The following EDDM13 variants were observed in gnomAD, a reference collection of about 807,000 sequenced individuals.
EDDM13 encodes the protein epididymal protein 13.
Under a neutral mutation model 17.8 loss-of-function variants are expected in EDDM13, and 24 were observed. That is an observed-to-expected ratio of 1.35 (90% CI 0.98 to 1.90). EDDM13 has a LOEUF of 1.90. Among genes scored for constraint, EDDM13 ranks in the 40% most tolerant of loss-of-function variants. The probability of loss-of-function intolerance (pLI) is 0.00; values close to 1 mark genes in which losing one functional copy is unlikely to be tolerated. For missense variants in EDDM13, 97 were observed against 100.8 expected, an observed-to-expected ratio of 0.96 and a Z score of 0.16; for synonymous variants, 31 against 37.5, an observed-to-expected ratio of 0.83 and a Z score of 0.63.
In EDDM13 at chr19:56,276,496, C is replaced by T. The variant is rs190024556; in HGVS notation, c.103+387C>T. On this transcript the variant is annotated intron_variant, in intron 2 of 14. Coordinates refer to ENST00000649256, the MANE Select transcript of EDDM13 (RefSeq NM_001354658.2). ...ACACGCGAAAAAAATTATTAAGGAT[C>T]TAAAGAGCTCTTTTTTTTTTTTTCC... is the stretch of plus-strand genomic sequence containing the variant. Among the ~76,000 whole-genome samples the T allele has an allele frequency of 1.5e-3, 209 of 137,534 alleles. 4 individuals carry two copies. The South Asian group carries it at 0.035, about 23-fold the overall frequency. The allele number at this position is 137,534 out of a possible 152,430, so 90.2% of individuals were successfully genotyped here. A position where few individuals can be genotyped will look rare whatever the true frequency, so the allele number is the denominator to read the frequency against.
At chr19:56,273,169 C>T (rs73069662) in intron 1 of EDDM13, among the ~76,000 whole-genome samples, 66,011 of 152,052 alleles carry the variant, frequency 0.43, 15,635 homozygotes, top group Non-Finnish European at 0.53. Context: ...TGGGGAGACA[C>T]TGCGTCTGCA....
chr19:56,302,581 C>CCCTCTTCCTCCCTCCCTCCTCCTCCCTT (rs1555807488), intron 13 of EDDM13, among the ~76,000 whole-genome samples: 1 of 39,990 alleles, frequency 2.5e-5, no homozygotes, highest in African/African-American at 1.7e-4. Flanking sequence ...TTCTTCCTCC[C>CCCTCTTCCTCCCTCCCTCCTCCTCCCTT]CCTTTTCTTC....
At chr19:56,289,092 C>T (rs1331708292) in intron 8 of EDDM13, among the ~76,000 whole-genome samples, 6 of 152,158 alleles carry the variant, frequency 3.9e-5, no homozygotes, top group African/African-American at 1.2e-4. Flanking sequence ...CTAACAACCA[C>T]CTCTGCAAGG....
chr19:56,302,325 C>CCCTT (rs368323798), intron 13 of EDDM13, among the ~76,000 whole-genome samples: 3,086 of 143,314 alleles, frequency 0.022, 49 homozygotes, highest in Non-Finnish European at 0.031. Flanking sequence ...TCCCTCCCTC[C>CCCTT]CCTTCCTCCT....
At chr19:56,293,079 C>T (rs952026024) in intron 9 of EDDM13, among the ~76,000 whole-genome samples, 1 of 152,222 alleles carries the variant, frequency 6.6e-6, no homozygotes, top group African/African-American at 2.4e-5. Context: ...CCATGCCCCA[C>T]ACCCACCTCC....
At position 56,301,967 on chromosome 19, in the gene EDDM13, G is replaced by C; in HGVS notation, c.296-1G>C. ...TCAATCATCTCCACGGTTCTCTCCA[G>C]TTAAACCCTTCTCAGGCACCACCCC... is the stretch of plus-strand genomic sequence containing the variant. On this transcript the variant is annotated splice_acceptor_variant, in intron 12 of 14. Coordinates refer to ENST00000649256, the MANE Select transcript of EDDM13 (RefSeq NM_001354658.2). LOFTEE classifies it high-confidence loss of function. 1.6e-6 allele frequency: 2 copies of C among 1,232,218 alleles called. No individual in the cohort carries two copies. The highest frequency in any genetic ancestry group is 3.2e-5 in the East Asian group (1 of 31,704). The allele number at this position is 1,232,218 out of a possible 1,614,324, so 76.3% of individuals were successfully genotyped here.
chr19:56,288,969 A>C lies in EDDM13; in HGVS notation c.226+78A>C, dbSNP rs145665691. On this transcript the variant is annotated intron_variant, in intron 8 of 14. Transcript: ENST00000649256. Reference sequence around the variant, plus strand: ...TGGGCCTTCAAACTCCTTTAAGAAAATGCCAGGGAAGGGTTGGTCCAGGCC... The same window carrying C: ...TGGGCCTTCAAACTCCTTTAAGAAACTGCCAGGGAAGGGTTGGTCCAGGCC... 5.3e-5 allele frequency among the ~76,000 whole-genome samples: 8 copies of C among 152,310 alleles called. No individual in the cohort carries two copies. In the East Asian group the frequency reaches 9.6e-4, roughly 18 times the overall value.
rs377434304 is a variant in EDDM13, at chr19:56,300,449, G to A, written c.296-1519G>A. Among the ~76,000 whole-genome samples the A allele has an allele frequency of 2.0e-5, 3 of 152,312 alleles. No individual in the cohort carries two copies. In the South Asian group the frequency reaches 6.2e-4, roughly 32 times the overall value. On this transcript the variant is annotated intron_variant, in intron 12 of 14. Transcript: ENST00000649256. ...AACTTCTAGTATCTTTATCACAGGA[G>A]GTAGATTTGCTACTTGGGGTGAGGT...
intron 1 of EDDM13, among the ~76,000 whole-genome samples, 56 bp from the exon 2 acceptor site, chr19:56,276,034 TTC>T (rs2038222757): frequency 6.6e-6 from 1 of 152,224 alleles, no homozygotes; most frequent in Non-Finnish European, 1.5e-5. Flanking sequence ...TAATGCTAAT[TTC>T]TCTCTCTGCT....
intron 14 of EDDM13, among the ~76,000 whole-genome samples, chr19:56,306,877 C>T (rs374826165): frequency 5.0e-3 from 134 of 26,942 alleles, no homozygotes; most frequent in Admixed American, 6.4e-3. Flanking sequence ...CCTCCCTGGC[C>T]TCTCCCACGT....
intron 12 of EDDM13, among the ~76,000 whole-genome samples, chr19:56,301,084 C>A (rs1182858755): frequency 6.6e-6 from 1 of 152,020 alleles, no homozygotes; most frequent in Non-Finnish European, 1.5e-5. Flanking sequence ...GGGTCCCGAT[C>A]AAGACCCCCA....
intron 13 of EDDM13, among the ~76,000 whole-genome samples, chr19:56,303,742 A>C (rs2040496688): frequency 6.6e-6 from 1 of 152,178 alleles, no homozygotes; most frequent in Non-Finnish European, 1.5e-5. Flanking sequence ...GCCAGCTCCA[A>C]AAAACATGAA....
intron 12 of EDDM13, among the ~76,000 whole-genome samples, chr19:56,301,590 G>T (rs1361384967): frequency 3.9e-5 from 6 of 152,132 alleles, no homozygotes; most frequent in Non-Finnish European, 7.4e-5. Context: ...CTGTGACTAA[G>T]AATGCCTTAA....
chr19:56,301,841 AATTTCAATTCAGGAGGCAGGCAGAG>A, intron 12 of EDDM13, 102 bp from the exon 13 acceptor site: 1 of 1,162,176 alleles, frequency 8.6e-7, no homozygotes, highest in East Asian at 3.2e-5. Context: ...TGTGGACCAA[AATTTCAATTCAGGAGGCAGGCAGAG>A]ATGTGAGTTT....
At chr19:56,295,043 A>G (rs1396358067) in intron 9 of EDDM13, 1 of 152,256 alleles carries the variant, frequency 6.6e-6, no homozygotes, top group Non-Finnish European at 1.5e-5. Flanking sequence ...GCAATGGCCA[A>G]CGGGTACACG....
At chr19:56,276,239 G>C (rs1429737873) in intron 2 of EDDM13, among the ~76,000 whole-genome samples, 130 bp downstream of exon 2, 1 of 152,144 alleles carries the variant, frequency 6.6e-6, no homozygotes, top group Admixed American at 6.5e-5. Context: ...ACCTGCCATG[G>C]GGTCTGGACA....
chr19:56,286,843 C>T (rs892601505), intron 6 of EDDM13, among the ~76,000 whole-genome samples: 10 of 152,204 alleles, frequency 6.6e-5, no homozygotes, highest in Admixed American at 2.6e-4. Context: ...TAGAGATGCC[C>T]GGCAGAGCGA....
intron 9 of EDDM13, 169 bp from the exon 10 acceptor site, chr19:56,295,790 G>T: frequency 6.6e-6 from 1 of 152,616 alleles, no homozygotes; most frequent in Non-Finnish European, 1.5e-5. Flanking sequence ...GACCCACCCA[G>T]GGCTCCGCTC....
At chr19:56,305,052 G>A (rs368804834) in intron 14 of EDDM13, among the ~76,000 whole-genome samples, 1 of 152,160 alleles carries the variant, frequency 6.6e-6, no homozygotes, top group Non-Finnish European at 1.5e-5. Context: ...GGGATGTGCC[G>A]GGCAGGAGGA....
Sources: gnomAD v4.1 joint callset for allele counts (sites outside exome capture counted in the v4.1 genomes callset) on GRCh38, gnomAD v4.1.1 for gene constraint, MANE v1.5 for transcripts, NCBI Gene and HGNC (gene_info 2026-07-23, HGNC 2026-07-21) for gene names.